The following TUT7 variants were observed in gnomAD, a reference collection of about 807,000 sequenced individuals.
TUT7 encodes terminal uridylyl transferase 7.
TUT7 carries 33 observed loss-of-function variants against 165.9 expected under a neutral mutation model. That is an observed-to-expected ratio of 0.20 (90% CI 0.15 to 0.27). The LOEUF (loss-of-function observed/expected upper bound fraction) is 0.27. Ranked by LOEUF, TUT7 falls within the 10% of genes least tolerant of loss-of-function variation. The pLI is 1.00. For missense variants in TUT7, 1,338 were observed against 1,762.3 expected, an observed-to-expected ratio of 0.76 and a Z score of 4.31; for synonymous variants, 552 against 608.1, an observed-to-expected ratio of 0.91 and a Z score of 1.36.
At chr9:86,321,370 T>A (rs569396097) in intron 14 of TUT7, among the ~76,000 whole-genome samples, 164 of 149,140 alleles carry the variant, frequency 1.1e-3, no homozygotes, top group African/African-American at 2.3e-3. Context: ...AAAAAAAAAA[T>A]TTTTTTTCTT....
chr9:86,310,096 A>G lies in TUT7; in HGVS notation c.3379-79T>C, dbSNP rs904549869. 4 of 1,226,006 alleles carry G rather than the reference A, an allele frequency of 3.3e-6. No homozygotes were observed. The African/African-American group carries it at 6.2e-5, about 19-fold the overall frequency. The allele number at this position is 1,226,006 out of a possible 1,614,324, so 75.9% of individuals were successfully genotyped here. ...TTTTTTTTTTTTGGTTGTTGTTTTA[A>G]ATAATGGAGATGGGATCTCACTATG... On this transcript the variant is annotated intron_variant, in intron 18 of 26. Coordinates refer to ENST00000375963, the MANE Select transcript of TUT7 (RefSeq NM_024617.4).
intron 2 of TUT7, among the ~76,000 whole-genome samples, chr9:86,346,819 CTATTA>C (rs1041833636): frequency 3.9e-5 from 6 of 152,138 alleles, no homozygotes; most frequent in African/African-American, 1.4e-4. Context: ...ATCTATAATT[CTATTA>C]TATTAAAATA....
In TUT7 at chr9:86,294,847, C is replaced by T. The variant is rs190785146; in HGVS notation, c.4421-6103G>A. ...TGTTGGTGTGCTGCACCCATTAACT[C>T]GTCATTTAGCATTAGGTATAAAAAA... is the stretch of plus-strand genomic sequence containing the variant. On this transcript the variant is annotated intron_variant, in intron 26 of 26. Coordinates refer to ENST00000375963, the MANE Select transcript of TUT7 (RefSeq NM_024617.4). Among the ~76,000 whole-genome samples the T allele has an allele frequency of 3.2e-3, 476 of 150,588 alleles. 7 individuals carry two copies. Among genetic ancestry groups the T allele is most frequent in the African/African-American group, 0.011 (461 of 41,120 alleles).
chr9:86,319,716 ACT>A (rs1265440675), intron 14 of TUT7, 46 bp from the exon 15 acceptor site: 2 of 1,257,756 alleles, frequency 1.6e-6, no homozygotes, highest in Non-Finnish European at 2.2e-6. Flanking sequence ...GCCGGTTGAC[ACT>A]CTTAGAAAAA....
intron 2 of TUT7, among the ~76,000 whole-genome samples, chr9:86,352,304 C>T (rs757436309): frequency 5.3e-5 from 8 of 151,892 alleles, no homozygotes; most frequent in Non-Finnish European, 1.0e-4. Context: ...ATTATGAACA[C>T]ATTAATTATT....
At chr9:86,319,543 G>A (rs1223097774) in intron 15 of TUT7, 41 bp downstream of exon 15, 1 of 1,369,450 alleles carries the variant, frequency 7.3e-7, no homozygotes, top group Admixed American at 2.1e-5. Context: ...TGGAAAAAAG[G>A]TTACACTACT....
intron 3 of TUT7, among the ~76,000 whole-genome samples, chr9:86,346,026 A>C (rs1242680913): frequency 6.6e-6 from 1 of 152,178 alleles, no homozygotes; most frequent in Non-Finnish European, 1.5e-5. Flanking sequence ...AACTGGGGCT[A>C]CAGGCATGCC....
chr9:86,323,090 C>A lies in TUT7; in HGVS notation c.2660G>T (p.Gly887Val), dbSNP rs1387370224. The A allele has an allele frequency of 1.9e-6, 3 of 1,614,054 alleles. No homozygotes were observed. Among genetic ancestry groups the A allele is most frequent in the African/African-American group, 1.3e-5 (1 of 74,920 alleles). Reference protein sequence around the residue: ...DELDNTYTGSGDEDALSEEDD... With the variant: ...DELDNTYTGSVDEDALSEEDD... Reference sequence around the variant, plus strand: ...CTCTTCAGATAGGGCGTCCTCATCCCCTGACCCAGTGTAGGTGTTGTCTAA... The same window carrying A: ...CTCTTCAGATAGGGCGTCCTCATCCACTGACCCAGTGTAGGTGTTGTCTAA... Residue 887 changes from glycine (G) to valine (V), a missense_variant, in exon 13 of 27, where the codon GGG becomes GTG. Physicochemically the swap from Gly to Val is moderately radical, Grantham distance 109. Around this residue, in one of 7 missense-constraint regions of TUT7, gnomAD observed 425 missense variants for 474.9 expected, o/e 0.89. Coordinates refer to ENST00000375963, the MANE Select transcript of TUT7 (RefSeq NM_024617.4).
At chr9:86,348,388 G>A (rs185747148) in intron 2 of TUT7, among the ~76,000 whole-genome samples, 58 of 152,264 alleles carry the variant, frequency 3.8e-4, no homozygotes, top group African/African-American at 9.6e-5. Flanking sequence ...GGGACAATGC[G>A]AATCCAAGAG....
At chr9:86,302,984 A>G in intron 25 of TUT7, 102 bp downstream of exon 25, 1 of 569,154 alleles carries the variant, frequency 1.8e-6, no homozygotes, top group Non-Finnish European at 3.2e-6. Context: ...AAACTGCTGG[A>G]TTTTACACAA....
Position 86,288,570 on chromosome 9 carries a change from T to G in TUT7, c.*107A>C, listed in dbSNP as rs1409570427. 9 of 721,322 alleles carry G rather than the reference T, an allele frequency of 1.2e-5. No individual in the cohort carries two copies. In the South Asian group the frequency reaches 2.7e-4, roughly 22 times the overall value. The allele number at this position is 721,322 out of a possible 1,614,324, so 44.7% of individuals were successfully genotyped here. ...AAAAATCTGACATTTCCCTTAAATG[T>G]TAAGTTGAAGCCTGATCTACACTGC... On this transcript the variant is annotated 3_prime_UTR_variant, in exon 27 of 27. Transcript: ENST00000375963.
At chr9:86,347,811 T>G (rs1165926395) in intron 2 of TUT7, among the ~76,000 whole-genome samples, 1 of 152,228 alleles carries the variant, frequency 6.6e-6, no homozygotes, top group Non-Finnish European at 1.5e-5. Flanking sequence ...AATATTTCCT[T>G]TTTAATACTC....
chr9:86,313,122 T>G (rs1162167828), intron 17 of TUT7, among the ~76,000 whole-genome samples: 1 of 127,980 alleles, frequency 7.8e-6, no homozygotes, highest in Non-Finnish European at 1.7e-5. Flanking sequence ...CCAAGAATGA[T>G]CAATAATAAA....
chr9:86,343,895 CTTGT>C (rs1470871934), intron 5 of TUT7, among the ~76,000 whole-genome samples: 1 of 152,034 alleles, frequency 6.6e-6, no homozygotes, highest in Non-Finnish European at 1.5e-5. Context: ...GGTTGGTTTT[CTTGT>C]TTGTTTAAGG....
intron 26 of TUT7, among the ~76,000 whole-genome samples, chr9:86,292,293 T>A (rs956541502): frequency 6.6e-6 from 1 of 151,948 alleles, no homozygotes; most frequent in African/African-American, 2.4e-5. Flanking sequence ...GGAGTACATA[T>A]GAAAGAGTAT....
At chr9:86,350,774 C>T (rs1374169081) in intron 2 of TUT7, among the ~76,000 whole-genome samples, 2 of 152,172 alleles carry the variant, frequency 1.3e-5, no homozygotes, top group African/African-American at 4.8e-5. Flanking sequence ...TACTTAACGC[C>T]TTTATAACAC....
In TUT7 at chr9:86,287,911, A is replaced by G. The variant is rs1230987286; in HGVS notation, c.*766T>C. On this transcript the variant is annotated 3_prime_UTR_variant, in exon 27 of 27. Transcript: ENST00000375963. Reference sequence around the variant, plus strand: ...GGCAGAGATAACCTCTTTGATCTTCAGCAATTTTAAAAGTTCTTCATCCTA... The same window carrying G: ...GGCAGAGATAACCTCTTTGATCTTCGGCAATTTTAAAAGTTCTTCATCCTA... 2.0e-5 allele frequency: 3 copies of G among 152,336 alleles called. No individual in the cohort carries two copies. The East Asian group carries it at 5.8e-4, about 29-fold the overall frequency. The allele number at this position is 152,336 out of a possible 1,614,324, so 9.4% of individuals were successfully genotyped here.
intron 17 of TUT7, among the ~76,000 whole-genome samples, chr9:86,314,584 T>C (rs148643953): frequency 4.7e-4 from 71 of 152,302 alleles, no homozygotes; most frequent in Middle Eastern, 3.4e-3. Flanking sequence ...TACTTGCAGG[T>C]ACCAAATCTA....
chr9:86,295,466 AG>A (rs977075485), intron 26 of TUT7, among the ~76,000 whole-genome samples: 21 of 152,264 alleles, frequency 1.4e-4, no homozygotes, highest in African/African-American at 4.6e-4. Context: ...TGCAAGCACA[AG>A]TTGTGAAGAC....
Sources: gnomAD v4.1 joint callset for allele counts (sites outside exome capture counted in the v4.1 genomes callset) on GRCh38, gnomAD v4.1.1 for gene constraint, gnomAD v4.1.1 regional missense constraint, MANE v1.5 for transcripts, NCBI Gene and HGNC (gene_info 2026-07-23, HGNC 2026-07-21) for gene names.